WFDC8: variants seen among roughly 807,000 people sequenced by gnomAD.
WFDC8 encodes the protein WAP four-disulfide core domain protein 8.
In WFDC8, 24 loss-of-function variants were observed where a neutral mutation model predicts 27.0. The observed-to-expected ratio is 0.89, with a 90% CI of 0.64 to 1.25. WFDC8 has a LOEUF of 1.25. Ranked by LOEUF, WFDC8 falls within the 50% of genes most tolerant of loss-of-function variation. WFDC8 has a pLI of 0.00. For missense variants in WFDC8, 287 were observed against 295.9 expected, an observed-to-expected ratio of 0.97 and a Z score of 0.22; for synonymous variants, 106 against 99.7, an observed-to-expected ratio of 1.06 and a Z score of -0.38.
intron 1 of WFDC8, among the ~76,000 whole-genome samples, chr20:45,573,085 T>C (rs1980925486): frequency 1.3e-5 from 2 of 152,238 alleles, no homozygotes; most frequent in African/African-American, 4.8e-5. Flanking sequence ...ACTCTGTTGA[T>C]TATTTTCTTT....
chr20:45,558,740 T>G (rs1282796505), intron 3 of WFDC8, 112 bp downstream of exon 3: 1 of 1,349,532 alleles, frequency 7.4e-7, no homozygotes, highest in Non-Finnish European at 1.0e-6. Context: ...AATAACAGAA[T>G]GAGAAGAGCA....
intron 1 of WFDC8, among the ~76,000 whole-genome samples, chr20:45,563,142 G>A (rs1405760617): frequency 1.3e-5 from 2 of 152,030 alleles, no homozygotes; most frequent in South Asian, 2.1e-4. Flanking sequence ...TTTTTGTTGG[G>A]GGAGTTCTAA....
chr20:45,574,107 C>T (rs1452197549), intron 1 of WFDC8, among the ~76,000 whole-genome samples: 4 of 151,964 alleles, frequency 2.6e-5, no homozygotes, highest in African/African-American at 9.7e-5. Context: ...AGTGGAATAA[C>T]CTGGAAGAAA....
rs185055236 is a variant in WFDC8, at chr20:45,562,110, G to A, written c.136C>T (p.His46Tyr). The stretch of plus-strand genomic sequence containing the variant: ...ATGGCTGCAGCTTTTTTGAACTCAC[G>A]TTTGATCTTCTTGGTCAGCATTGCA... Reference protein sequence around the residue: ...TSAMLTKKIKHKPGLCPKERL... With the variant: ...TSAMLTKKIKYKPGLCPKERL... The change falls in exon 2 of 6, where the codon CAC (histidine) becomes TAC (tyrosine). Residue 46 changes from histidine (H) to tyrosine (Y), a missense_variant and splice_region_variant. Transcript: ENST00000289953. 2.9e-5 allele frequency: 47 copies of A among 1,613,708 alleles called. No homozygotes were observed. The highest frequency in any genetic ancestry group is 2.9e-4 in the East Asian group (13 of 44,872).
Position 45,562,210 on chromosome 20 carries a change from AGGAAAGTGCCTGTAT to A in WFDC8, c.27-6_35del, listed in dbSNP as rs1206621630. ...TCCAGGAGAAGGTGGGGCTATGGAG[AGGAAAGTGCCTGTAT>A]GGATGAGAAGAGAGGTGGGAGTTAA... On this transcript the variant is annotated splice_acceptor_variant and splice_polypyrimidine_tract_variant and coding_sequence_variant and intron_variant, in exon 2 of 6. Transcript: ENST00000289953. LOFTEE classifies it high-confidence loss of function. 6.2e-7 allele frequency: 1 copy of A among 1,614,046 alleles called. No individual in the cohort carries two copies. Among genetic ancestry groups the A allele is most frequent in the Non-Finnish European group, 8.5e-7 (1 of 1,179,930 alleles).
intron 2 of WFDC8, among the ~76,000 whole-genome samples, chr20:45,561,896 A>G (rs6032328): frequency 0.38 from 57,871 of 151,530 alleles, 11,467 homozygotes; most frequent in Non-Finnish European, 0.43. Flanking sequence ...GTCTCCTTAC[A>G]TATATAAAAA....
At chr20:45,579,192 G>C (rs1292443369) in intron 1 of WFDC8, 30 bp downstream of exon 1, 3 of 1,611,630 alleles carry the variant, frequency 1.9e-6, no homozygotes, top group African/African-American at 2.7e-5. Context: ...TCCATGTCTG[G>C]CTACCCACCC....
intron 1 of WFDC8, chr20:45,568,814 A>G (rs1379421075): frequency 5.5e-6 from 2 of 366,100 alleles, no homozygotes. Context: ...ACATAATAGG[A>G]TAGTGAGGTC....
intron 1 of WFDC8, among the ~76,000 whole-genome samples, chr20:45,573,294 A>G (rs958380276): frequency 6.6e-6 from 1 of 152,118 alleles, no homozygotes; most frequent in Non-Finnish European, 1.5e-5. Flanking sequence ...GATTTTTTTA[A>G]ATATATGCAT....
Position 45,562,225 on chromosome 20 carries a change from T to G in WFDC8, c.27-6A>C, listed in dbSNP as rs1226627988. 6.2e-7 allele frequency: 1 copy of G among 1,612,154 alleles called. No homozygotes were observed. Among genetic ancestry groups the G allele is most frequent in the Non-Finnish European group, 8.5e-7 (1 of 1,178,280 alleles). On this transcript the variant is annotated splice_region_variant and splice_polypyrimidine_tract_variant and intron_variant, in intron 1 of 5. Coordinates refer to ENST00000289953, the MANE Select transcript of WFDC8 (RefSeq NM_130896.3). ...GGCTATGGAGAGGAAAGTGCCTGTATGGATGAGAAGAGAGGTGGGAGTTAA... is the reference window on the plus strand; with the variant it reads ...GGCTATGGAGAGGAAAGTGCCTGTAGGGATGAGAAGAGAGGTGGGAGTTAA...
intron 3 of WFDC8, 31 bp downstream of exon 3, chr20:45,558,821 G>A (rs76757042): frequency 0.02 from 32,271 of 1,613,074 alleles, 388 homozygotes; most frequent in South Asian, 0.042. Context: ...AAGAAGTGGG[G>A]AACCTCTGTC....
chr20:45,564,219 AGG>A (rs1980565120), intron 1 of WFDC8, among the ~76,000 whole-genome samples: 1 of 152,184 alleles, frequency 6.6e-6, no homozygotes, highest in African/African-American at 2.4e-5. Flanking sequence ...CTGGAATACT[AGG>A]ACAGACCTGG....
intron 1 of WFDC8, among the ~76,000 whole-genome samples, chr20:45,569,960 C>A (rs1395080093): frequency 6.6e-6 from 1 of 152,134 alleles, no homozygotes; most frequent in Non-Finnish European, 1.5e-5. Context: ...CGCATGTTCT[C>A]ACTTATAAGG....
chr20:45,572,610 CTTAT>C (rs1001915772), intron 1 of WFDC8, among the ~76,000 whole-genome samples: 2 of 151,960 alleles, frequency 1.3e-5, no homozygotes, highest in South Asian at 4.2e-4. Context: ...TACTAACTTA[CTTAT>C]TTATTTATTT....
chr20:45,563,567 G>A (rs980910752), intron 1 of WFDC8, among the ~76,000 whole-genome samples: 2 of 152,180 alleles, frequency 1.3e-5, no homozygotes, highest in Non-Finnish European at 2.9e-5. Flanking sequence ...TGTAAAGCAT[G>A]ACAAGTGGCT....
intron 5 of WFDC8, among the ~76,000 whole-genome samples, chr20:45,552,623 C>A (rs1441063124): frequency 1.3e-5 from 2 of 152,178 alleles, no homozygotes; most frequent in African/African-American, 4.8e-5. Context: ...AACCTTAGAA[C>A]CTTAAAGCCA....
chr20:45,559,123 T>C, intron 2 of WFDC8, 131 bp from the exon 3 acceptor site: 1 of 1,128,070 alleles, frequency 8.9e-7, no homozygotes, highest in Admixed American at 2.3e-5. Flanking sequence ...GCTCTGCTTA[T>C]ATTCAGGGGC....
At chr20:45,555,170 A>G (rs938361201) in intron 4 of WFDC8, among the ~76,000 whole-genome samples, 1 of 152,230 alleles carries the variant, frequency 6.6e-6, no homozygotes, top group Non-Finnish European at 1.5e-5. Flanking sequence ...ATTTAAATTC[A>G]GGTCATTTGA....
chr20:45,554,845 C>T (rs1980180442), intron 4 of WFDC8, among the ~76,000 whole-genome samples: 2 of 152,216 alleles, frequency 1.3e-5, no homozygotes, highest in Admixed American at 6.5e-5. Flanking sequence ...CAACTAACTT[C>T]ACCTCTCTGA....
Sources: gnomAD v4.1 joint callset for allele counts (sites outside exome capture counted in the v4.1 genomes callset) on GRCh38, gnomAD v4.1.1 for gene constraint, MANE v1.5 for transcripts, NCBI Gene and HGNC (gene_info 2026-07-23, HGNC 2026-07-21) for gene names.